VASH2: variants seen among roughly 807,000 people sequenced by gnomAD.
The protein encoded by VASH2 is tubulinyl-Tyr carboxypeptidase 2.
VASH2 carries 28 observed loss-of-function variants against 37.2 expected under a neutral mutation model. That is an observed-to-expected ratio of 0.75 (90% confidence interval 0.56 to 1.03). The LOEUF is 1.03. VASH2 is among the 50% of genes least tolerant of loss of function. The probability of loss-of-function intolerance (pLI) is 0.00; values close to 1 mark genes in which losing one functional copy is unlikely to be tolerated. For missense variants in VASH2, 419 were observed against 459.1 expected (o/e 0.91, Z 0.80); for synonymous variants, 188 against 174.7 (o/e 1.08, Z -0.60).
chr1:212,983,420 AAGAG>A (rs1386106418), intron 7 of VASH2, among the ~76,000 whole-genome samples: 6 of 152,186 alleles, frequency 3.9e-5, no homozygotes, highest in African/African-American at 1.4e-4. Context: ...AGAGGAAAGA[AAGAG>A]AGCAAGCACA....
chr1:212,973,352 C>G, intron 6 of VASH2: 1 of 1,265,582 alleles, frequency 7.9e-7, no homozygotes, highest in Non-Finnish European at 1.0e-6. Context: ...AGACTATACT[C>G]ATACGTCCCT....
In VASH2 at chr1:212,967,415, A is replaced by G. The variant is rs915844240; in HGVS notation, c.497+1070A>G. On this transcript the variant is annotated intron_variant, in intron 5 of 7. Transcript: ENST00000517399. The stretch of plus-strand genomic sequence containing the variant: ...AAGAGCAAAGATGCTCCGAAGTCCT[A>G]TGGGATGGATGGCTGTAAGGGACAG... The G allele has an allele frequency of 1.3e-5, 15 of 1,188,552 alleles. No individual in the cohort carries two copies. In the African/African-American group the frequency reaches 1.4e-4, roughly 11 times the overall value. The allele number at this position is 1,188,552 out of a possible 1,614,324, so 73.6% of individuals were successfully genotyped here.
At chr1:212,953,070 T>G (rs550112114) in intron 2 of VASH2, among the ~76,000 whole-genome samples, 1 of 152,216 alleles carries the variant, frequency 6.6e-6, no homozygotes, top group East Asian at 1.9e-4. Context: ...GAATTTTTCC[T>G]CCAGTGAGGA....
chr1:212,976,936 G>A (rs918652086), intron 7 of VASH2, among the ~76,000 whole-genome samples: 1 of 152,218 alleles, frequency 6.6e-6, no homozygotes, highest in Non-Finnish European at 1.5e-5. Flanking sequence ...CCCACTGGGG[G>A]AAGCACAGGA....
At chr1:212,977,391 T>G (rs1667209203) in intron 7 of VASH2, among the ~76,000 whole-genome samples, 1 of 152,092 alleles carries the variant, frequency 6.6e-6, no homozygotes. Flanking sequence ...CTTTCTAGAA[T>G]TGGAAGAGAC....
At chr1:212,961,016 C>G in intron 2 of VASH2, 150 bp from the exon 3 acceptor site, 2 of 695,096 alleles carry the variant, frequency 2.9e-6, no homozygotes, top group Non-Finnish European at 4.9e-6. Context: ...AGGCACTGCT[C>G]AATCAGGTAA....
chr1:212,961,281 C>T, intron 3 of VASH2, 27 bp downstream of exon 3: 1 of 1,614,038 alleles, frequency 6.2e-7, no homozygotes, highest in Non-Finnish European at 8.5e-7. Context: ...GGTCTGAGCA[C>T]ACCCAGCCAG....
chr1:212,987,316 C>T (rs1572086207), intron 7 of VASH2, among the ~76,000 whole-genome samples: 2 of 150,972 alleles, frequency 1.3e-5, no homozygotes, highest in South Asian at 4.2e-4. Context: ...TGGCTCACAC[C>T]TGTAATCCCA....
At chr1:212,955,101 T>C (rs955639318) in intron 2 of VASH2, among the ~76,000 whole-genome samples, 1 of 152,146 alleles carries the variant, frequency 6.6e-6, no homozygotes, top group African/African-American at 2.4e-5. Context: ...CAAATCAATA[T>C]CTTACTGAGG....
intron 7 of VASH2, among the ~76,000 whole-genome samples, chr1:212,980,261 G>T (rs1335945757): frequency 6.6e-6 from 1 of 152,238 alleles, no homozygotes. Flanking sequence ...GGAGTGAGCA[G>T]ATAGTGATTT....
intron 3 of VASH2, among the ~76,000 whole-genome samples, chr1:212,963,818 TAA>T (rs1020743843): frequency 1.2e-4 from 19 of 152,212 alleles, no homozygotes; most frequent in African/African-American, 4.6e-4. Flanking sequence ...ACTAGATGTA[TAA>T]ATTAGATATG....
intron 5 of VASH2, chr1:212,967,798 C>A (rs1351763762): frequency 6.5e-6 from 1 of 153,204 alleles, no homozygotes; most frequent in African/African-American, 2.4e-5. Context: ...GCAGGCCAAC[C>A]AGACGCAGGA....
At chr1:212,984,802 C>T (rs1667431788) in intron 7 of VASH2, among the ~76,000 whole-genome samples, 5 of 152,162 alleles carry the variant, frequency 3.3e-5, no homozygotes, top group Admixed American at 3.3e-4. Context: ...GGCTTAGGTC[C>T]TACATAGTTT....
At chr1:212,981,447 G>A (rs1230179352) in intron 7 of VASH2, among the ~76,000 whole-genome samples, 1 of 152,180 alleles carries the variant, frequency 6.6e-6, no homozygotes, top group African/African-American at 2.4e-5. Flanking sequence ...TACCCAGACC[G>A]GCCGTGAATC....
intron 6 of VASH2, chr1:212,973,506 C>T: frequency 1.5e-6 from 2 of 1,290,650 alleles, no homozygotes; most frequent in Admixed American, 2.3e-5. Flanking sequence ...GTCATCTTCA[C>T]TCTGCAGGAC....
intron 5 of VASH2, chr1:212,968,859 A>C: frequency 1.0e-6 from 1 of 985,472 alleles, no homozygotes; most frequent in Non-Finnish European, 1.2e-6. Flanking sequence ...AGCTAACTTC[A>C]GACTCTTTGT....
chr1:212,966,913 G>T (rs1246270258), intron 5 of VASH2: 3 of 376,930 alleles, frequency 8.0e-6, no homozygotes, highest in African/African-American at 6.4e-5. Flanking sequence ...TTGTTTGTTT[G>T]TATTTTTGGT....
Position 212,980,560 on chromosome 1 carries a change from C to T in VASH2, c.995+6490C>T, listed in dbSNP as rs577505225. On this transcript the variant is annotated intron_variant, in intron 7 of 7. Transcript: ENST00000517399. ...CAGAGGTTAGTAAGCCCTGAAAGCC[C>T]ATCTCCTTTCACTGCAGGGCCTTGA... is the stretch of plus-strand genomic sequence containing the variant. Among the ~76,000 whole-genome samples the T allele has an allele frequency of 4.6e-5, 7 of 152,322 alleles. No homozygotes were observed. The South Asian group carries it at 1.5e-3, about 32-fold the overall frequency.
At chr1:212,970,397 T>C (rs1666974221) in intron 5 of VASH2, among the ~76,000 whole-genome samples, 1 of 152,194 alleles carries the variant, frequency 6.6e-6, no homozygotes, top group Admixed American at 6.5e-5. Flanking sequence ...CTACTTATCC[T>C]GTAAGATGAA....
Sources: gnomAD v4.1 joint callset for allele counts (sites outside exome capture counted in the v4.1 genomes callset) on GRCh38, gnomAD v4.1.1 for gene constraint, MANE v1.5 for transcripts, NCBI Gene and HGNC (gene_info 2026-07-23, HGNC 2026-07-21) for gene names.